CLIC2: variants seen among roughly 807,000 people sequenced by gnomAD.
CLIC2 encodes CLIC family member 2, also known as chloride intracellular channel protein 2.
A neutral mutation model predicts 14.8 loss-of-function variants in CLIC2; 9 were observed. The observed-to-expected ratio is 0.61, with a 90% CI of 0.37 to 1.06. CLIC2 has a LOEUF of 1.06. CLIC2 is among the 50% of genes least tolerant of loss of function. The pLI, the probability that CLIC2 is intolerant of heterozygous loss-of-function variation, is 0.01. For synonymous variants in CLIC2, 61 were observed against 66.3 expected, an observed-to-expected ratio of 0.92 and a Z score of 0.39; for missense variants, 148 against 181.4, an observed-to-expected ratio of 0.82 and a Z score of 1.06.
rs1277217762 is a variant in CLIC2 at position 155,292,535 on chromosome X, C to T, written c.293+6250G>A. 25 of 462,416 alleles carry T rather than the reference C, an allele frequency of 5.4e-5. No homozygotes were observed. The South Asian group carries it at 6.7e-4, about 12-fold the overall frequency. The allele number at this position is 462,416 out of a possible 1,213,427, so 38.1% of individuals were successfully genotyped here. A position where few individuals can be genotyped will look rare whatever the true frequency, so the allele number is the denominator to read the frequency against. On this transcript the variant is annotated intron_variant, in intron 3 of 5. Transcript: ENST00000369449. Reference sequence around the variant, plus strand: ...CCTGTAATCCCAGCACTTTGGGAGGCCGAGGTGGGCAGATCACGAGGTCAG... The same window carrying T: ...CCTGTAATCCCAGCACTTTGGGAGGTCGAGGTGGGCAGATCACGAGGTCAG...
intron 1 of CLIC2, among the ~76,000 whole-genome samples, chrX:155,321,901 G>C (rs1462178224): frequency 9.0e-6 from 1 of 110,598 alleles, no homozygotes; most frequent in East Asian, 2.8e-4. Flanking sequence ...AAAAAGCAGG[G>C]GTTGCAATCC....
In CLIC2 at chrX:155,334,370, C is replaced by G. The variant is rs1557323095; in HGVS notation, c.57+1G>C. 1 of 1,203,064 alleles carries G rather than the reference C, an allele frequency of 8.3e-7. No homozygotes were observed. Among genetic ancestry groups the G allele is most frequent in the Non-Finnish European group, 1.1e-6 (1 of 887,782 alleles). ...GCAGTTATTATAACTGGAAAACTTACCTTTACAAAAAGCTCAATCTCAGGG... is the reference window on the plus strand; with the variant it reads ...GCAGTTATTATAACTGGAAAACTTAGCTTTACAAAAAGCTCAATCTCAGGG... On this transcript the variant is annotated splice_donor_variant, in intron 1 of 5. Transcript: ENST00000369449. LOFTEE classifies it high-confidence loss of function.
chrX:155,300,758 G>C (rs1602942570), intron 1 of CLIC2, among the ~76,000 whole-genome samples: 1 of 94,237 alleles, frequency 1.1e-5, no homozygotes, highest in African/African-American at 3.7e-5. Flanking sequence ...TTTTGTATAA[G>C]GTGTAAGGAA....
chrX:155,312,952 G>T lies in CLIC2; in HGVS notation c.58-13807C>A, dbSNP rs1398154601. On this transcript the variant is annotated intron_variant, in intron 1 of 5. Transcript: ENST00000369449. ...GAAGACATGCATGTGGCCAATGAGC[G>T]TATGAAAAAAAAGTTCAACACCCCT... 2.7e-5 allele frequency among the ~76,000 whole-genome samples: 3 copies of T among 110,772 alleles called. No individual in the cohort carries two copies. In the Admixed American group the frequency reaches 2.9e-4, roughly 11 times the overall value.
rs782175004 is a variant in CLIC2 at position 155,304,938 on chromosome X, C to T, written c.58-5793G>A. Among the ~76,000 whole-genome samples the T allele has an allele frequency of 2.5e-4, 26 of 105,822 alleles. No homozygotes were observed. In the South Asian group the frequency reaches 0.011, roughly 44 times the overall value. The allele number at this position is 105,822 out of a possible 115,157, so 91.9% of individuals were successfully genotyped here. ...CACTTGAGGAGGCAGTCTGCCCGTT[C>T]TCAGATCTCCAGCTGCGTGCTGGGA... is the stretch of plus-strand genomic sequence containing the variant. On this transcript the variant is annotated intron_variant, in intron 1 of 5. Transcript: ENST00000369449.
chrX:155,278,031 G>A lies in CLIC2; in HGVS notation c.616C>T (p.Pro206Ser). ...AAKKYRDFDIPAEFSGVWRYL... is the reference protein window; with the variant it reads ...AAKKYRDFDISAEFSGVWRYL... ...CGCCAGACTCCTGAGAATTCTGCTG[G>A]AATGTCAAAGTCACGATATTTCTTG... Residue 206 changes from proline to serine, a missense_variant, in exon 6 of 6, where the codon CCA becomes TCA. Physicochemically the swap from Pro to Ser is moderately conservative, Grantham distance 74. Coordinates refer to ENST00000369449, the MANE Select transcript of CLIC2 (RefSeq NM_001289.6). 1.7e-6 allele frequency: 2 copies of A among 1,210,744 alleles called. No individual in the cohort carries two copies. The highest frequency in any genetic ancestry group is 2.2e-6 in the Non-Finnish European group (2 of 895,062).
At chrX:155,325,680 G>A (rs782378584) in intron 1 of CLIC2, among the ~76,000 whole-genome samples, 2 of 100,690 alleles carry the variant, frequency 2.0e-5, no homozygotes, top group South Asian at 9.6e-4. Context: ...AAACCACCAT[G>A]GCACATGTAT....
intron 5 of CLIC2, 136 bp downstream of exon 5, chrX:155,279,013 A>G: frequency 1.9e-6 from 1 of 540,312 alleles, no homozygotes. Flanking sequence ...GAGAAAAGAG[A>G]TGTATATAGT....
At chrX:155,296,799 C>A (rs1300983441) in intron 3 of CLIC2, among the ~76,000 whole-genome samples, 1 of 106,908 alleles carries the variant, frequency 9.4e-6, no homozygotes, top group African/African-American at 3.4e-5. Flanking sequence ...ATTAAAAAGA[C>A]AAAAAAAAAA....
intron 1 of CLIC2, among the ~76,000 whole-genome samples, chrX:155,319,347 A>T (rs997635797): frequency 1.3e-4 from 14 of 111,236 alleles, no homozygotes; most frequent in African/African-American, 3.3e-4. Flanking sequence ...TGCATTTCCA[A>T]CTGAGGTACC....
At chrX:155,320,830 A>C (rs2075111685) in intron 1 of CLIC2, among the ~76,000 whole-genome samples, 1 of 111,689 alleles carries the variant, frequency 9.0e-6, no homozygotes, top group African/African-American at 3.3e-5. Context: ...AGGTTAGGCA[A>C]ATTGCTAACT....
At chrX:155,301,995 G>C (rs2075020752) in intron 1 of CLIC2, among the ~76,000 whole-genome samples, 1 of 100,845 alleles carries the variant, frequency 9.9e-6, no homozygotes, top group Non-Finnish European at 2.0e-5. Flanking sequence ...ATTTTACTGA[G>C]GATTTTTGCA....
chrX:155,281,984 C>T (rs1056476547), intron 3 of CLIC2, among the ~76,000 whole-genome samples: 1 of 110,952 alleles, frequency 9.0e-6, no homozygotes, highest in Non-Finnish European at 1.9e-5. Flanking sequence ...TCTCATCTTA[C>T]CGAGTCACAG....
At chrX:155,288,021 T>C (rs782305192) in intron 3 of CLIC2, among the ~76,000 whole-genome samples, 1 of 112,025 alleles carries the variant, frequency 8.9e-6, no homozygotes, top group East Asian at 2.8e-4. Flanking sequence ...CAATTGTGAA[T>C]GGGATTGCCT....
At chrX:155,304,698 C>A (rs782339502) in intron 1 of CLIC2, among the ~76,000 whole-genome samples, 342 of 99,950 alleles carry the variant, frequency 3.4e-3, no homozygotes, top group Non-Finnish European at 6.1e-3. Context: ...TGTTTTTTCC[C>A]CATCTTTGTG....
chrX:155,314,936 A>G (rs2075089715), intron 1 of CLIC2, among the ~76,000 whole-genome samples: 1 of 111,808 alleles, frequency 8.9e-6, no homozygotes, highest in African/African-American at 3.2e-5. Context: ...TTAAGGACAC[A>G]CTTATAGAAA....
chrX:155,292,843 G>T (rs926691945), intron 3 of CLIC2: 3 of 983,104 alleles, frequency 3.1e-6, no homozygotes, highest in African/African-American at 1.9e-5. Context: ...AACCGGGAAC[G>T]CATGGAAGAA....
intron 3 of CLIC2, among the ~76,000 whole-genome samples, chrX:155,284,140 C>A (rs782798826): frequency 1.8e-5 from 2 of 110,984 alleles, no homozygotes; most frequent in African/African-American, 6.6e-5. Context: ...TGTGAGCACA[C>A]ATCTAGAAAT....
At chrX:155,320,878 T>C (rs1182756703) in intron 1 of CLIC2, among the ~76,000 whole-genome samples, 2 of 111,508 alleles carry the variant, frequency 1.8e-5, no homozygotes, top group Admixed American at 9.5e-5. Flanking sequence ...AGTGACCTAA[T>C]GGAGCAGAAA....
Sources: gnomAD v4.1 joint callset for allele counts (sites outside exome capture counted in the v4.1 genomes callset) on GRCh38, gnomAD v4.1.1 for gene constraint, MANE v1.5 for transcripts, NCBI Gene and HGNC (gene_info 2026-07-23, HGNC 2026-07-21) for gene names.